The following VTCN1 variants were observed in gnomAD, a reference collection of about 807,000 sequenced individuals.
VTCN1 encodes V-set domain-containing T-cell activation inhibitor 1.
In VTCN1, 26 loss-of-function variants were observed where a neutral mutation model predicts 26.5. The observed-to-expected ratio is 0.98, with a 90% confidence interval of 0.72 to 1.36. The LOEUF (loss-of-function observed/expected upper bound fraction) is 1.36, where lower values mean the gene tolerates loss of function less well. Among genes scored for constraint, VTCN1 ranks in the 40% most tolerant of loss-of-function variants. VTCN1 has a pLI of 0.00. For missense variants in VTCN1, 298 were observed against 337.7 expected, an observed-to-expected ratio of 0.88 and a Z score of 0.92; for synonymous variants, 116 against 130.7, an observed-to-expected ratio of 0.89 and a Z score of 0.77.
chr1:117,144,844 T>C lies in VTCN1; in HGVS notation c.*427A>G, dbSNP rs576016366. 4 of 152,730 alleles carry C rather than the reference T, an allele frequency of 2.6e-5. No individual in the cohort carries two copies. The South Asian group carries it at 8.3e-4, about 32-fold the overall frequency. 9.5% of individuals were successfully genotyped at this position (152,730 alleles called of 1,614,324 possible). The stretch of plus-strand genomic sequence containing the variant: ...AATATAAGATGTGGATATGTTGGGA[T>C]AGACTTTCCAGGGGCTTCCTCAGAG... On this transcript the variant is annotated 3_prime_UTR_variant, in exon 6 of 6. Transcript: ENST00000369458.
chr1:117,203,728 A>G (rs1648906020), intron 1 of VTCN1: 2 of 985,288 alleles, frequency 2.0e-6, no homozygotes, highest in Non-Finnish European at 2.4e-6. Flanking sequence ...GGTGAAATTT[A>G]TATCTATCTG....
intron 2 of VTCN1, among the ~76,000 whole-genome samples, chr1:117,157,862 G>A (rs1274402460): frequency 2.0e-5 from 3 of 152,150 alleles, no homozygotes; most frequent in Non-Finnish European, 2.9e-5. Flanking sequence ...ATACAATGGG[G>A]GTACAGGTAT....
chr1:117,187,477 A>G (rs543940705), intron 1 of VTCN1, among the ~76,000 whole-genome samples: 4 of 152,282 alleles, frequency 2.6e-5, no homozygotes, highest in Admixed American at 6.5e-5. Flanking sequence ...CTGTCAGTGC[A>G]TTTGTGAGAT....
At chr1:117,157,092 G>GAGATATAT (rs1553208028) in intron 2 of VTCN1, 171 bp from the exon 3 acceptor site, 6 of 561,562 alleles carry the variant, frequency 1.1e-5, no homozygotes, top group African/African-American at 1.0e-4. Context: ...CAATCATTTT[G>GAGATATAT]ATATATATAT....
chr1:117,166,455 T>C (rs1415288613), intron 2 of VTCN1, among the ~76,000 whole-genome samples: 1 of 152,016 alleles, frequency 6.6e-6, no homozygotes, highest in Non-Finnish European at 1.5e-5. Flanking sequence ...AAATTATAAT[T>C]AACAGTTAAG....
At chr1:117,151,692 A>G (rs1651808173) in intron 4 of VTCN1, among the ~76,000 whole-genome samples, 1 of 152,140 alleles carries the variant, frequency 6.6e-6, no homozygotes, top group Non-Finnish European at 1.5e-5. Context: ...AAGTTCTCCA[A>G]GTCCCCACTC....
intron 1 of VTCN1, among the ~76,000 whole-genome samples, chr1:117,172,100 C>G (rs1038653009): frequency 6.6e-6 from 1 of 152,214 alleles, no homozygotes; most frequent in African/African-American, 2.4e-5. Flanking sequence ...CCAATTCACA[C>G]GCTCCCAACA....
chr1:117,173,654 T>A (rs4659159), intron 1 of VTCN1, among the ~76,000 whole-genome samples: 89,521 of 152,164 alleles, frequency 0.59, 27,400 homozygotes, highest in East Asian at 0.9. Flanking sequence ...AGGATCAAAT[T>A]AGATAATAAA....
At chr1:117,160,299 G>A (rs932522875) in intron 2 of VTCN1, among the ~76,000 whole-genome samples, 4 of 152,138 alleles carry the variant, frequency 2.6e-5, no homozygotes, top group African/African-American at 7.2e-5. Flanking sequence ...GCCTGCACAA[G>A]TCTCTCTTTC....
At chr1:117,210,136 G>C (rs1378520713) in intron 1 of VTCN1, among the ~76,000 whole-genome samples, 1 of 152,128 alleles carries the variant, frequency 6.6e-6, no homozygotes, top group African/African-American at 2.4e-5. Context: ...GGGAAAAAGA[G>C]GCAACTAGAA....
chr1:117,205,092 T>TATATGTATATATGTATATGTAC (rs1227150982), intron 1 of VTCN1, among the ~76,000 whole-genome samples: 1 of 5,404 alleles, frequency 1.9e-4, no homozygotes, highest in African/African-American at 2.2e-4. Context: ...TATATGTATG[T>TATATGTATATATGTATATGTAC]ATGTATATGT....
intron 1 of VTCN1, among the ~76,000 whole-genome samples, chr1:117,202,608 G>A (rs923383936): frequency 3.9e-5 from 6 of 152,204 alleles, no homozygotes; most frequent in African/African-American, 2.4e-5. Flanking sequence ...ATGCTGCTAA[G>A]CGCTTTATGT....
Position 117,147,476 on chromosome 1 carries a change from A to C in VTCN1, c.*45+137T>G. On this transcript the variant is annotated intron_variant, in intron 5 of 5. Transcript: ENST00000369458. The surrounding 1 kb of genome is among the most constrained non-coding windows in gnomAD (Gnocchi z 4.6). The stretch of plus-strand genomic sequence containing the variant: ...CTAACAAATGATTACCTTTCCCAGT[A>C]CTAGTGGAAATAATGTCACAGCCCT... The C allele has an allele frequency of 1.5e-6, 1 of 662,484 alleles. No homozygotes were observed. Among genetic ancestry groups the C allele is most frequent in the East Asian group, 3.0e-5 (1 of 33,176 alleles). The allele number at this position is 662,484 out of a possible 1,614,324, so 41.0% of individuals were successfully genotyped here.
chr1:117,165,533 G>A (rs966774617), intron 2 of VTCN1, among the ~76,000 whole-genome samples: 18 of 152,194 alleles, frequency 1.2e-4, no homozygotes, highest in African/African-American at 4.1e-4. Flanking sequence ...GTTCACATGA[G>A]ATCTGGTCGT....
chr1:117,201,048 T>C (rs1648761637), intron 1 of VTCN1, among the ~76,000 whole-genome samples: 1 of 152,204 alleles, frequency 6.6e-6, no homozygotes, highest in Non-Finnish European at 1.5e-5. Context: ...CCCAAAGTGT[T>C]TGGATTATAA....
chr1:117,185,592 C>T (rs143248530), intron 1 of VTCN1, among the ~76,000 whole-genome samples: 1 of 152,188 alleles, frequency 6.6e-6, no homozygotes, highest in Non-Finnish European at 1.5e-5. Context: ...ATATCCTCCT[C>T]TCTTTTAGAA....
chr1:117,177,501 G>T (rs1449740606), intron 1 of VTCN1, among the ~76,000 whole-genome samples: 1 of 152,186 alleles, frequency 6.6e-6, no homozygotes. Context: ...ATTATGTGGG[G>T]CTTGAGGGGT....
At chr1:117,173,339 A>G (rs1164628453) in intron 1 of VTCN1, 1 of 565,330 alleles carries the variant, frequency 1.8e-6, no homozygotes, top group Non-Finnish European at 3.2e-6. Flanking sequence ...GTGTCCTTAT[A>G]AAAAGGGGAA....
chr1:117,150,147 G>T (rs948729520), intron 4 of VTCN1, among the ~76,000 whole-genome samples: 1 of 152,114 alleles, frequency 6.6e-6, no homozygotes, highest in African/African-American at 2.4e-5. Context: ...TCTCTTCTGG[G>T]AAGGCCTTTC....
Sources: gnomAD v4.1 joint callset for allele counts (sites outside exome capture counted in the v4.1 genomes callset) on GRCh38, gnomAD v4.1.1 for gene constraint, Gnocchi (gnomAD v3.1) non-coding constraint, MANE v1.5 for transcripts, NCBI Gene and HGNC (gene_info 2026-07-23, HGNC 2026-07-21) for gene names.